The following SPTBN1 variants were observed in gnomAD, a reference collection of about 807,000 sequenced individuals.
SPTBN1 encodes spectrin beta chain, non-erythrocytic 1.
In SPTBN1, 32 loss-of-function variants were observed where a neutral mutation model predicts 266.4. The ratio of observed to expected loss-of-function variants is 0.12; its 90% CI spans 0.09 to 0.16. The LOEUF (loss-of-function observed/expected upper bound fraction) is 0.16, where lower values mean the gene tolerates loss of function less well. SPTBN1 is among the 10% of genes least tolerant of loss of function. The pLI is 1.00. For missense variants in SPTBN1, 2,296 were observed against 3,067.1 expected, an observed-to-expected ratio of 0.75 and a Z score of 5.94; for synonymous variants, 1,336 against 1,162.2, an observed-to-expected ratio of 1.15 and a Z score of -3.04.
At chr2:54,457,073 C>G (rs1191975754) in intron 1 of SPTBN1, among the ~76,000 whole-genome samples, 1 of 151,418 alleles carries the variant, frequency 6.6e-6, no homozygotes, top group African/African-American at 2.4e-5. Flanking sequence ...CCGGCTGCGC[C>G]GCGCTGCAGC....
rs1558775035 is a variant in SPTBN1, at chr2:54,492,338, G to GGTTTTTTTTTT, written c.-47-34034_-47-34033insGTTTTTTTTTT. Reference sequence around the variant, plus strand: ...TTACTGGACATTTAGTTTGTCTGCAGTTGTTTTTTTGTTTTTTTTTTTTTT... The same window carrying GGTTTTTTTTTT: ...TTACTGGACATTTAGTTTGTCTGCAGGTTTTTTTTTTTTGTTTTTTTGTTTTTTTTTTTTTT... On this transcript the variant is annotated intron_variant, in intron 1 of 35. Coordinates refer to ENST00000356805, the MANE Select transcript of SPTBN1 (RefSeq NM_003128.3). 4.2e-5 allele frequency among the ~76,000 whole-genome samples: 5 copies of GGTTTTTTTTTT among 118,112 alleles called. 1 individual carries two copies. The highest frequency in any genetic ancestry group is 1.7e-5 in the Non-Finnish European group (1 of 58,052). The allele number at this position is 118,112 out of a possible 152,430, so 77.5% of individuals were successfully genotyped here.
intron 5 of SPTBN1, 111 bp from the exon 6 acceptor site, chr2:54,617,497 G>C: frequency 2.2e-6 from 2 of 892,026 alleles, no homozygotes; most frequent in Non-Finnish European, 3.5e-6. Flanking sequence ...GATATTCACT[G>C]CTTTAGGTTT....
chr2:54,548,576 G>A (rs1009005120), intron 2 of SPTBN1, among the ~76,000 whole-genome samples: 2 of 152,194 alleles, frequency 1.3e-5, no homozygotes, highest in South Asian at 2.1e-4. Context: ...AGAAATGCAC[G>A]CTACTTCCTT....
intron 1 of SPTBN1, among the ~76,000 whole-genome samples, chr2:54,514,875 T>G (rs1391997505): frequency 2.6e-5 from 4 of 152,172 alleles, no homozygotes; most frequent in Non-Finnish European, 4.4e-5. Context: ...GGGACTTAGT[T>G]TGTAGTTTAA....
rs565569352 is a variant in SPTBN1 at position 54,631,486 on chromosome 2, C to T, written c.3439C>T (p.Leu1147=). The part of the protein sequence containing the change: ...YMFLRQRLQA[L]DTGWNELHKM... ...GTTTCTGCGGCAGCGGCTGCAGGCC[C>T]TGGACACTGGATGGAACGAGCTCCA... Residue 1147 remains leucine, a synonymous_variant, in exon 16 of 36, where the codon CTG becomes TTG. Coordinates refer to ENST00000356805, the MANE Select transcript of SPTBN1 (RefSeq NM_003128.3). The T allele has an allele frequency of 3.7e-6, 6 of 1,614,222 alleles. No homozygotes were observed. In the South Asian group the frequency reaches 5.5e-5, roughly 15 times the overall value.
Position 54,645,477 on chromosome 2 carries a change from A to G in SPTBN1, c.4494+24A>G, listed in dbSNP as rs1208611037. 15 of 1,609,450 alleles carry G rather than the reference A, an allele frequency of 9.3e-6. No homozygotes were observed. Among genetic ancestry groups the G allele is most frequent in the Non-Finnish European group, 1.2e-5 (14 of 1,176,584 alleles). ...TCGTGAGTCGACCCCTACTGCACAC[A>G]TGGCTTTTCCACGAGCCCCCTTGCC... is the stretch of plus-strand genomic sequence containing the variant. On this transcript the variant is annotated intron_variant, in intron 21 of 35. Transcript: ENST00000356805. The surrounding 1 kb of genome is among the most constrained non-coding windows in gnomAD (Gnocchi z 4.3).
intron 1 of SPTBN1, among the ~76,000 whole-genome samples, chr2:54,519,280 A>G (rs1670286250): frequency 6.6e-6 from 1 of 152,224 alleles, no homozygotes; most frequent in Non-Finnish European, 1.5e-5. Context: ...TGACCTCAAG[A>G]GGCCATGGCT....
intron 17 of SPTBN1, among the ~76,000 whole-genome samples, chr2:54,633,760 G>C (rs934464577): frequency 1.3e-5 from 2 of 152,168 alleles, no homozygotes; most frequent in African/African-American, 2.4e-5. Flanking sequence ...CCACATCTGA[G>C]AGGGTTTCCT....
intron 1 of SPTBN1, among the ~76,000 whole-genome samples, chr2:54,461,070 A>G (rs1027531179): frequency 1.4e-4 from 21 of 152,194 alleles, no homozygotes; most frequent in African/African-American, 4.8e-4. Flanking sequence ...AGAGCCTTAT[A>G]CATTCAGAGC....
At chr2:54,579,106 A>T (rs778213275) in intron 2 of SPTBN1, among the ~76,000 whole-genome samples, 14 of 152,220 alleles carry the variant, frequency 9.2e-5, no homozygotes, top group Non-Finnish European at 2.1e-4. Context: ...CTTCTGCACC[A>T]ACCTAATATA....
intron 2 of SPTBN1, chr2:54,557,769 G>A (rs1057185065): frequency 5.1e-6 from 5 of 985,364 alleles, no homozygotes; most frequent in Non-Finnish European, 6.0e-6. Flanking sequence ...GGAAACCACC[G>A]CCTTCATATC....
chr2:54,630,143 A>T lies in SPTBN1; in HGVS notation c.2807+114A>T, dbSNP rs903018468. ...CCCACATGGGGTCATCGACATTGCA[A>T]CACTGATGTCATGGCATTGGCACCT... On this transcript the variant is annotated intron_variant, in intron 15 of 35. Transcript: ENST00000356805. 6.6e-6 allele frequency: 9 copies of T among 1,361,858 alleles called. No individual in the cohort carries two copies. The African/African-American group carries it at 1.3e-4, about 20-fold the overall frequency. The allele number at this position is 1,361,858 out of a possible 1,614,324, so 84.4% of individuals were successfully genotyped here.
intron 26 of SPTBN1, among the ~76,000 whole-genome samples, chr2:54,651,035 T>A (rs1680244991): frequency 6.6e-6 from 1 of 152,246 alleles, no homozygotes; most frequent in South Asian, 2.1e-4. Flanking sequence ...CCTAATAGTT[T>A]AAGGATTGAG....
intron 1 of SPTBN1, among the ~76,000 whole-genome samples, chr2:54,465,637 CTCATATATATAT>C (rs1390425123): frequency 7.8e-5 from 7 of 89,748 alleles, no homozygotes; most frequent in South Asian, 6.8e-4. Context: ...TCATGTTTAT[CTCATATATATAT>C]ATATATATAT....
intron 1 of SPTBN1, among the ~76,000 whole-genome samples, chr2:54,473,170 C>T (rs1694011634): frequency 6.6e-6 from 1 of 152,094 alleles, no homozygotes; most frequent in African/African-American, 2.4e-5. Flanking sequence ...TGTATAGAAA[C>T]ATTATTTCTG....
intron 2 of SPTBN1, among the ~76,000 whole-genome samples, chr2:54,548,689 C>T (rs1489460483): frequency 6.6e-6 from 1 of 152,142 alleles, no homozygotes; most frequent in Admixed American, 6.5e-5. Flanking sequence ...TGCTTTGTAA[C>T]TCTGGGCACA....
intron 1 of SPTBN1, among the ~76,000 whole-genome samples, chr2:54,502,459 C>G (rs766576323): frequency 2.0e-5 from 3 of 152,150 alleles, no homozygotes; most frequent in Admixed American, 2.0e-4. Flanking sequence ...TGTCTATTTC[C>G]GGCAACAGAG....
In SPTBN1 at chr2:54,501,777, G is replaced by C. The variant is rs962588803; in HGVS notation, c.-47-24595G>C. 2.7e-4 allele frequency among the ~76,000 whole-genome samples: 41 copies of C among 152,218 alleles called. 1 individual carries two copies. Among genetic ancestry groups the C allele is most frequent in the African/African-American group, 8.7e-4 (36 of 41,436 alleles). On this transcript the variant is annotated intron_variant, in intron 1 of 35. Transcript: ENST00000356805. ...ACTGCACCGGAGAGTTACCACCCCT[G>C]CCTGGGGATGGAGCCTCTCTGGGGA...
chr2:54,657,773 C>T, intron 29 of SPTBN1, 77 bp from the exon 30 acceptor site: 3 of 1,553,452 alleles, frequency 1.9e-6, no homozygotes, highest in Non-Finnish European at 2.7e-6. Context: ...CAGAGGGCAG[C>T]AGTGCCAAGA....
Sources: allele counts gnomAD v4.1 joint callset (sites outside exome capture counted in the v4.1 genomes callset), GRCh38; gene constraint gnomAD v4.1.1; non-coding constraint Gnocchi (gnomAD v3.1); transcripts MANE v1.5; gene names NCBI Gene and HGNC (gene_info 2026-07-23, HGNC 2026-07-21).